Variants in ST6GALNAC3 observed in about 807,000 individuals in gnomAD.
ST6GALNAC3 encodes the protein ST6 N-acetylgalactosaminide alpha-2,6-sialyltransferase 3.
In ST6GALNAC3, 25 loss-of-function variants were observed where a neutral mutation model predicts 32.7. That is an observed-to-expected ratio of 0.76 (90% CI 0.56 to 1.07). The LOEUF (loss-of-function observed/expected upper bound fraction) is 1.07, where lower values mean the gene tolerates loss of function less well. Among genes scored for constraint, ST6GALNAC3 ranks in the 50% least tolerant of loss-of-function variants. The probability of loss-of-function intolerance (pLI) is 0.00; values close to 1 mark genes in which losing one functional copy is unlikely to be tolerated. For missense variants in ST6GALNAC3, 355 were observed against 382.4 expected, an observed-to-expected ratio of 0.93 and a Z score of 0.60; for synonymous variants, 129 against 133.1, an observed-to-expected ratio of 0.97 and a Z score of 0.21.
intron 2 of ST6GALNAC3, among the ~76,000 whole-genome samples, chr1:76,389,183 G>A (rs1042211397): frequency 3.9e-5 from 6 of 151,958 alleles, no homozygotes; most frequent in African/African-American, 1.2e-4. Context: ...CTCTGGGCTA[G>A]GTCCTGCATG....
intron 2 of ST6GALNAC3, among the ~76,000 whole-genome samples, chr1:76,326,802 C>CTAAT (rs1277004753): frequency 7.4e-6 from 1 of 134,710 alleles, no homozygotes; most frequent in Non-Finnish European, 1.6e-5. Flanking sequence ...CTGAACTCTT[C>CTAAT]TAATTAAGTT....
intron 3 of ST6GALNAC3, chr1:76,413,045 A>T (rs1654374203): frequency 3.2e-6 from 1 of 312,714 alleles, no homozygotes; most frequent in East Asian, 1.3e-4. Flanking sequence ...ACCAATTTGC[A>T]TTTTTTATTA....
At chr1:76,590,582 A>T (rs889712769) in intron 3 of ST6GALNAC3, among the ~76,000 whole-genome samples, 1 of 152,104 alleles carries the variant, frequency 6.6e-6, no homozygotes, top group Non-Finnish European at 1.5e-5. Context: ...ACAAAGACAA[A>T]CTCTCTATGG....
intron 1 of ST6GALNAC3, among the ~76,000 whole-genome samples, chr1:76,216,960 C>T (rs914182246): frequency 6.6e-6 from 1 of 152,120 alleles, no homozygotes; most frequent in Admixed American, 6.6e-5. Flanking sequence ...TTTAAAAATG[C>T]CAACACTGAT....
At chr1:76,613,822 A>G (rs1236003022) in intron 3 of ST6GALNAC3, among the ~76,000 whole-genome samples, 3 of 152,210 alleles carry the variant, frequency 2.0e-5, no homozygotes, top group Admixed American at 6.5e-5. Context: ...CCATGGAACC[A>G]TGAGCCAACT....
chr1:76,473,895 G>A (rs1257465907), intron 3 of ST6GALNAC3, among the ~76,000 whole-genome samples: 1 of 151,934 alleles, frequency 6.6e-6, no homozygotes, highest in Non-Finnish European at 1.5e-5. Context: ...TAAACCTTAA[G>A]ATACATTGCA....
intron 3 of ST6GALNAC3, among the ~76,000 whole-genome samples, chr1:76,424,081 A>G (rs762695252): frequency 2.6e-5 from 4 of 151,962 alleles, no homozygotes; most frequent in Non-Finnish European, 5.9e-5. Flanking sequence ...CATGTTCTAT[A>G]TTTCTGATAT....
At chr1:76,499,192 A>T (rs1401583387) in intron 3 of ST6GALNAC3, among the ~76,000 whole-genome samples, 1 of 152,220 alleles carries the variant, frequency 6.6e-6, no homozygotes, top group East Asian at 1.9e-4. Context: ...TGGCATAATT[A>T]AAAATCTTGA....
intron 1 of ST6GALNAC3, among the ~76,000 whole-genome samples, chr1:76,091,785 G>A (rs1647050008): frequency 6.6e-6 from 1 of 152,148 alleles, no homozygotes; most frequent in African/African-American, 2.4e-5. Context: ...ATGTAGCCTA[G>A]GTATGTAGTA....
chr1:76,328,843 C>T (rs1362305620), intron 2 of ST6GALNAC3, among the ~76,000 whole-genome samples: 1 of 152,186 alleles, frequency 6.6e-6, no homozygotes, highest in Non-Finnish European at 1.5e-5. Flanking sequence ...CTTTCTTGAA[C>T]ATCTACTTCA....
At chr1:76,484,873 CTT>C (rs1403061269) in intron 3 of ST6GALNAC3, among the ~76,000 whole-genome samples, 1 of 152,086 alleles carries the variant, frequency 6.6e-6, no homozygotes, top group Non-Finnish European at 1.5e-5. Flanking sequence ...ATAAATAGCT[CTT>C]ATTATTTTGA....
At chr1:76,312,053 A>G (rs1270267961) in intron 1 of ST6GALNAC3, among the ~76,000 whole-genome samples, 1 of 151,962 alleles carries the variant, frequency 6.6e-6, no homozygotes, top group Admixed American at 6.6e-5. Context: ...TTTTTTTCAT[A>G]TGTTTGTTGG....
At chr1:76,305,383 T>C (rs1308590126) in intron 1 of ST6GALNAC3, among the ~76,000 whole-genome samples, 1 of 151,964 alleles carries the variant, frequency 6.6e-6, no homozygotes, top group Non-Finnish European at 1.5e-5. Context: ...AGGCTTTGAA[T>C]AGGGCAGAAG....
chr1:76,148,408 C>T (rs999560719), intron 1 of ST6GALNAC3, among the ~76,000 whole-genome samples: 4 of 152,104 alleles, frequency 2.6e-5, no homozygotes, highest in Admixed American at 6.5e-5. Flanking sequence ...TTTGGGTTTT[C>T]ATGTTCACAT....
chr1:76,126,843 A>T (rs1649289279), intron 1 of ST6GALNAC3, among the ~76,000 whole-genome samples: 1 of 152,144 alleles, frequency 6.6e-6, no homozygotes, highest in South Asian at 2.1e-4. Context: ...GCTGCGTTTT[A>T]TTCAGTTAAA....
At position 76,627,435 on chromosome 1, in the gene ST6GALNAC3, G is replaced by A; in HGVS notation, c.624-17G>A. The A allele has an allele frequency of 1.3e-6, 2 of 1,536,028 alleles. No homozygotes were observed. Among genetic ancestry groups the A allele is most frequent in the Non-Finnish European group, 1.8e-6 (2 of 1,110,522 alleles). On this transcript the variant is annotated splice_polypyrimidine_tract_variant and intron_variant, in intron 3 of 4. Coordinates refer to ENST00000328299, the MANE Select transcript of ST6GALNAC3 (RefSeq NM_152996.4). ...TGTTTTGTTCTGTTTGTTATTGTTTGTTTTCATTTCCCTCAGAGTCCAGTC... is the reference window on the plus strand; with the variant it reads ...TGTTTTGTTCTGTTTGTTATTGTTTATTTTCATTTCCCTCAGAGTCCAGTC...
At chr1:76,284,819 G>T (rs1659688449) in intron 1 of ST6GALNAC3, among the ~76,000 whole-genome samples, 2 of 152,082 alleles carry the variant, frequency 1.3e-5, no homozygotes, top group South Asian at 4.1e-4. Flanking sequence ...AGTTGAACTT[G>T]CTTCACACCA....
At chr1:76,223,629 A>T (rs191593996) in intron 1 of ST6GALNAC3, among the ~76,000 whole-genome samples, 1 of 152,316 alleles carries the variant, frequency 6.6e-6, no homozygotes, top group East Asian at 1.9e-4. Flanking sequence ...GTATAAATCC[A>T]TATTACTATC....
intron 3 of ST6GALNAC3, among the ~76,000 whole-genome samples, chr1:76,472,378 A>G (rs1659087256): frequency 6.6e-6 from 1 of 152,032 alleles, no homozygotes; most frequent in Admixed American, 6.6e-5. Context: ...AAGTTAGATG[A>G]ATGCCAATAG....
Sources: allele counts gnomAD v4.1 joint callset (sites outside exome capture counted in the v4.1 genomes callset), GRCh38; gene constraint gnomAD v4.1.1; transcripts MANE v1.5; gene names NCBI Gene and HGNC (gene_info 2026-07-23, HGNC 2026-07-21).